CASP6: variants seen among roughly 807,000 people sequenced by gnomAD.
CASP6 encodes caspase-6.
CASP6 carries 20 observed loss-of-function variants against 31.8 expected under a neutral mutation model. That is an observed-to-expected ratio of 0.63 (90% CI 0.44 to 0.91). The LOEUF is 0.91. Among genes scored for constraint, CASP6 ranks in the 40% least tolerant of loss-of-function variants. The pLI, the probability that CASP6 is intolerant of heterozygous loss-of-function variation, is 0.00. For synonymous variants in CASP6, 130 were observed against 127.8 expected (o/e 1.02, Z -0.12); for missense variants, 328 against 361.1 (o/e 0.91, Z 0.74).
chr4:109,703,447 G>T, upstream of CASP6: 1 of 1,592,860 alleles, frequency 6.3e-7, no homozygotes, highest in Non-Finnish European at 8.5e-7. Flanking sequence ...TGAAGCCACA[G>T]GCTCCCGGGC....
At position 109,688,865 on chromosome 4, in the gene CASP6, CT is replaced by C. The variant is rs79593601; in HGVS notation, c.*464del. ...ACCCTTTCACCATGGCCAACATGAACTTTTTTTTTTTTTTTTTAAGGCAGTT... is the reference window on the plus strand; with the variant it reads ...ACCCTTTCACCATGGCCAACATGAACTTTTTTTTTTTTTTTTAAGGCAGTT... On this transcript the variant is annotated 3_prime_UTR_variant, in exon 7 of 7. Transcript: ENST00000265164. The C allele has an allele frequency of 0.019, 2,607 of 134,222 alleles. 30 individuals carry two copies. The highest frequency in any genetic ancestry group is 0.042 in the African/African-American group (1,526 of 36,284). The allele number at this position is 134,222 out of a possible 1,614,324, so 8.3% of individuals were successfully genotyped here. A position where few individuals can be genotyped will look rare whatever the true frequency, so the allele number is the denominator to read the frequency against.
intron 2 of CASP6, among the ~76,000 whole-genome samples, 166 bp from the exon 3 acceptor site, chr4:109,697,934 A>G (rs1034284578): frequency 4.6e-5 from 7 of 152,166 alleles, no homozygotes; most frequent in Non-Finnish European, 1.0e-4. Flanking sequence ...AAGTCCTGAA[A>G]TATCTCTCTG....
the CASP6 span, among the ~76,000 whole-genome samples, chr4:109,677,802 ATTTTTTTTTTTTTTTTTT>A: frequency 1.2e-5 from 1 of 86,606 alleles, no homozygotes; most frequent in Non-Finnish European, 2.1e-5. Flanking sequence ...AAGGAAACAA[ATTTTTTTTTTTTTTTTTT>A]TTTTTTTTTA....
rs956746575 is a variant in CASP6 at position 109,689,143 on chromosome 4, A to T, written c.*187T>A. The stretch of plus-strand genomic sequence containing the variant: ...GGCATGCGCCGCCATGCCTAGCTAA[A>T]TTTTTTTTTGCATTTTTAGTAGAGA... On this transcript the variant is annotated 3_prime_UTR_variant, in exon 7 of 7. Transcript: ENST00000265164. The T allele has an allele frequency of 2.1e-5, 11 of 520,080 alleles. No homozygotes were observed. Among genetic ancestry groups the T allele is most frequent in the Non-Finnish European group, 3.5e-5 (10 of 288,334 alleles). The allele number at this position is 520,080 out of a possible 1,614,324, so 32.2% of individuals were successfully genotyped here. A position where few individuals can be genotyped will look rare whatever the true frequency, so the allele number is the denominator to read the frequency against.
the CASP6 span, among the ~76,000 whole-genome samples, chr4:109,679,927 G>A: frequency 6.6e-6 from 1 of 152,094 alleles, no homozygotes; most frequent in Non-Finnish European, 1.5e-5. Context: ...TCAGCCTCCT[G>A]AGTAGCTGGG....
the CASP6 span, among the ~76,000 whole-genome samples, chr4:109,677,094 G>T: frequency 6.6e-6 from 1 of 152,244 alleles, no homozygotes; most frequent in Non-Finnish European, 1.5e-5. Flanking sequence ...CCCTGCCTTA[G>T]TGTATCCACA....
At chr4:109,693,757 TAGAC>T (rs996912580) in intron 5 of CASP6, among the ~76,000 whole-genome samples, 1 of 150,662 alleles carries the variant, frequency 6.6e-6, no homozygotes, top group African/African-American at 2.5e-5. Flanking sequence ...TTTTTTTTTT[TAGAC>T]AGAGTCTCGC....
downstream of CASP6, chr4:109,687,849 C>T: frequency 2.3e-6 from 1 of 439,894 alleles, no homozygotes; most frequent in Non-Finnish European, 4.0e-6. Flanking sequence ...TCAGCTTGTC[C>T]CACGTTTATT....
Position 109,703,361 on chromosome 4 carries a change from G to A in CASP6, c.35C>T (p.Pro12Leu). 1 of 1,610,132 alleles carries A rather than the reference G, an allele frequency of 6.2e-7. No individual in the cohort carries two copies. Among genetic ancestry groups the A allele is most frequent in the African/African-American group, 1.3e-5 (1 of 74,946 alleles). The change falls in exon 1 of 7, where the codon CCG (proline) becomes CTG (leucine). Residue 12 changes from proline (P) to leucine (L), a missense_variant. Coordinates refer to ENST00000265164, the MANE Select transcript of CASP6 (RefSeq NM_001226.4). The stretch of plus-strand genomic sequence containing the variant: ...AGTCGACGCCCCCTGCCTACCTGCC[G>A]GGTGCCCCCTGCGGAGCCCCGAGGC... The part of the protein sequence containing the change: ...SSASGLRRGH[P>L]AGGEENMTET...
intron 1 of CASP6, 132 bp downstream of exon 1, chr4:109,703,224 G>C (rs972964353): frequency 1.9e-6 from 2 of 1,042,382 alleles, no homozygotes; most frequent in Non-Finnish European, 2.8e-6. Flanking sequence ...AACTTCTCCA[G>C]GCCGCCCTGC....
chr4:109,681,507 C>G, the CASP6 span: 2 of 448,844 alleles, frequency 4.5e-6, no homozygotes, highest in South Asian at 3.2e-5. Context: ...TGATGGCAAG[C>G]CTCGTGTTCT....
chr4:109,669,782 C>T, the CASP6 span, among the ~76,000 whole-genome samples: 1 of 150,242 alleles, frequency 6.7e-6, no homozygotes, highest in Admixed American at 6.6e-5. Flanking sequence ...GAGATTCTTT[C>T]TTCAGCTATG....
At chr4:109,668,689 G>C in the CASP6 span, among the ~76,000 whole-genome samples, 2 of 149,490 alleles carry the variant, frequency 1.3e-5, no homozygotes, top group Non-Finnish European at 3.0e-5. Flanking sequence ...TTTTCTATTT[G>C]TTGCCACTGT....
At chr4:109,700,560 G>A (rs1730388967) in intron 1 of CASP6, among the ~76,000 whole-genome samples, 1 of 152,146 alleles carries the variant, frequency 6.6e-6, no homozygotes, top group Non-Finnish European at 1.5e-5. Flanking sequence ...AAAGTTAACA[G>A]ATTTGGCAAC....
At chr4:109,701,481 T>C (rs1730419242) in intron 1 of CASP6, among the ~76,000 whole-genome samples, 2 of 151,986 alleles carry the variant, frequency 1.3e-5, no homozygotes, top group Admixed American at 6.6e-5. Context: ...CAGGCTGCAG[T>C]GCAGTGGCGC....
chr4:109,682,516 G>T, the CASP6 span: 6 of 1,357,930 alleles, frequency 4.4e-6, no homozygotes, highest in Middle Eastern at 3.7e-4. Flanking sequence ...ATTGGGGACC[G>T]AAAGATTTAC....
the CASP6 span, among the ~76,000 whole-genome samples, chr4:109,669,466 T>C: frequency 1.3e-5 from 2 of 152,166 alleles, no homozygotes; most frequent in African/African-American, 4.8e-5. Context: ...TTTGATTTTC[T>C]GCAGTTTGAA....
the CASP6 span, among the ~76,000 whole-genome samples, chr4:109,671,220 A>G: frequency 9.7e-3 from 1,475 of 152,264 alleles, 21 homozygotes; most frequent in African/African-American, 0.033. Flanking sequence ...ACTTTTTCTT[A>G]AAGAGAGCTT....
chr4:109,696,681 A>G (rs765435096), intron 3 of CASP6, among the ~76,000 whole-genome samples, 195 bp from the exon 4 acceptor site: 24 of 152,070 alleles, frequency 1.6e-4, no homozygotes, highest in Non-Finnish European at 3.1e-4. Flanking sequence ...ATGACAGCCG[A>G]TTCAATTTAG....
Sources: allele counts gnomAD v4.1 joint callset (sites outside exome capture counted in the v4.1 genomes callset), GRCh38; gene constraint gnomAD v4.1.1; transcripts MANE v1.5; gene names NCBI Gene and HGNC (gene_info 2026-07-23, HGNC 2026-07-21).